The following SDK1 variants were observed in gnomAD, a reference collection of about 807,000 sequenced individuals.
The protein encoded by SDK1 is protein sidekick-1.
In SDK1, 157 loss-of-function variants were observed where a neutral mutation model predicts 245.5. The observed-to-expected ratio is 0.64, with a 90% confidence interval of 0.56 to 0.73. The LOEUF (loss-of-function observed/expected upper bound fraction) is 0.73. SDK1 is among the 30% of genes least tolerant of loss of function. The pLI, the probability that SDK1 is intolerant of heterozygous loss-of-function variation, is 0.00. For synonymous variants in SDK1, 1,647 were observed against 1,278.5 expected (o/e 1.29, Z -6.15); for missense variants, 3,583 against 3,002.3 (o/e 1.19, Z -4.52).
At position 3,485,683 on chromosome 7, in the gene SDK1, G is replaced by GTTTTTTTTTTTTTTTTTTTTTT. The variant is rs71552309; in HGVS notation, c.299-133396_299-133375dup. On this transcript the variant is annotated intron_variant, in intron 1 of 44. Transcript: ENST00000404826. Reference sequence around the variant, plus strand: ...GTGCTGAGGGGATGATCTTTGGAGGGTTTTTTTTTTTTTTTTTTTTTTGAG... The same window carrying GTTTTTTTTTTTTTTTTTTTTTT: ...GTGCTGAGGGGATGATCTTTGGAGGGTTTTTTTTTTTTTTTTTTTTTTTTTTTTTTTTTTTTTTTTTTTTGAG... Among the ~76,000 whole-genome samples, 79 of 38,174 alleles carry GTTTTTTTTTTTTTTTTTTTTTT rather than the reference G, an allele frequency of 2.1e-3. 15 individuals carry two copies. Among genetic ancestry groups the GTTTTTTTTTTTTTTTTTTTTTT allele is most frequent in the East Asian group, 4.5e-3 (5 of 1,112 alleles). 25.0% of individuals were successfully genotyped at this position (38,174 alleles called of 152,430 possible).
intron 22 of SDK1, among the ~76,000 whole-genome samples, chr7:4,085,747 G>A (rs968315226): frequency 1.3e-5 from 2 of 151,962 alleles, no homozygotes; most frequent in African/African-American, 4.8e-5. Context: ...TAGAGATGGG[G>A]TTTCACCATG....
At chr7:3,962,125 T>G (rs1781746981) in intron 8 of SDK1, among the ~76,000 whole-genome samples, 1 of 152,122 alleles carries the variant, frequency 6.6e-6, no homozygotes, top group Non-Finnish European at 1.5e-5. Context: ...ACATCCAATC[T>G]TCAACCTTCT....
intron 1 of SDK1, among the ~76,000 whole-genome samples, chr7:3,602,613 C>G (rs998556488): frequency 2.6e-5 from 4 of 151,612 alleles, no homozygotes; most frequent in Non-Finnish European, 4.4e-5. Context: ...AAATTTTCTC[C>G]CATTGTGTAG....
At chr7:3,356,009 G>A (rs993722244) in intron 1 of SDK1, among the ~76,000 whole-genome samples, 2 of 152,174 alleles carry the variant, frequency 1.3e-5, no homozygotes, top group African/African-American at 4.8e-5. Context: ...TGAACAAATA[G>A]ACACCTTATA....
chr7:3,410,121 C>A (rs527672561), intron 1 of SDK1, among the ~76,000 whole-genome samples: 29 of 152,168 alleles, frequency 1.9e-4, no homozygotes, highest in South Asian at 1.9e-3. Flanking sequence ...TAAGTGTTAT[C>A]ATAATCACAT....
chr7:4,028,165 C>G (rs572096988), intron 17 of SDK1, among the ~76,000 whole-genome samples: 1 of 152,260 alleles, frequency 6.6e-6, no homozygotes, highest in African/African-American at 2.4e-5. Flanking sequence ...GGCCTTACTC[C>G]AGACCCACTG....
intron 41 of SDK1, among the ~76,000 whole-genome samples, chr7:4,235,512 T>C (rs2128236546): frequency 6.6e-6 from 1 of 152,300 alleles, no homozygotes; most frequent in African/African-American, 2.4e-5. Flanking sequence ...CACAGATTTC[T>C]CATTTCCCTA....
At chr7:3,561,705 C>G (rs1367279423) in intron 1 of SDK1, among the ~76,000 whole-genome samples, 4 of 152,184 alleles carry the variant, frequency 2.6e-5, no homozygotes, top group East Asian at 3.8e-4. Context: ...TTTTAACATT[C>G]TGAAGCTGCA....
intron 12 of SDK1, among the ~76,000 whole-genome samples, chr7:3,973,490 T>C (rs896291917): frequency 1.2e-4 from 19 of 152,162 alleles, no homozygotes; most frequent in Admixed American, 5.9e-4. Flanking sequence ...TTGCTACAGA[T>C]AGATTAAATG....
intron 14 of SDK1, among the ~76,000 whole-genome samples, chr7:4,009,497 G>C (rs988810672): frequency 1.3e-5 from 2 of 152,204 alleles, no homozygotes; most frequent in Non-Finnish European, 2.9e-5. Context: ...GTAGGTAACT[G>C]GGAATGCGCA....
intron 4 of SDK1, among the ~76,000 whole-genome samples, chr7:3,671,125 A>G (rs1192755078): frequency 1.3e-5 from 2 of 152,144 alleles, no homozygotes; most frequent in East Asian, 1.9e-4. Context: ...AGTTTTCAGC[A>G]TTGGTCTTAT....
intron 43 of SDK1, among the ~76,000 whole-genome samples, chr7:4,244,970 G>T (rs535428692): frequency 6.6e-6 from 1 of 152,166 alleles, no homozygotes; most frequent in Non-Finnish European, 1.5e-5. Context: ...TCTCCAGTCC[G>T]CCAAGATAGG....
chr7:3,463,627 G>A (rs147615447), intron 1 of SDK1, among the ~76,000 whole-genome samples: 1 of 152,274 alleles, frequency 6.6e-6, no homozygotes, highest in African/African-American at 2.4e-5. Flanking sequence ...GCTAAAGTAG[G>A]TGAGTTTTCT....
intron 19 of SDK1, among the ~76,000 whole-genome samples, chr7:4,054,434 T>C (rs1779078665): frequency 6.6e-6 from 1 of 152,226 alleles, no homozygotes; most frequent in Non-Finnish European, 1.5e-5. Flanking sequence ...AGTTTTGTTT[T>C]TTTCTCTTTT....
intron 4 of SDK1, among the ~76,000 whole-genome samples, chr7:3,655,260 A>C (rs1379092473): frequency 6.6e-6 from 1 of 150,564 alleles, no homozygotes; most frequent in Non-Finnish European, 1.5e-5. Context: ...ATGGAGAAAC[A>C]CTGTCTCTAC....
At chr7:4,187,032 C>T (rs549522381) in intron 35 of SDK1, among the ~76,000 whole-genome samples, 2 of 152,128 alleles carry the variant, frequency 1.3e-5, no homozygotes. Flanking sequence ...CACTGTGGTT[C>T]GGAGTGGGGC....
chr7:4,029,464 G>A (rs1457645215), intron 17 of SDK1, among the ~76,000 whole-genome samples: 1 of 152,078 alleles, frequency 6.6e-6, no homozygotes, highest in African/African-American at 2.4e-5. Flanking sequence ...GCCCACCTGG[G>A]CCTCCGAAAG....
chr7:3,885,768 A>C (rs1354191794), intron 5 of SDK1, among the ~76,000 whole-genome samples: 1 of 152,232 alleles, frequency 6.6e-6, no homozygotes, highest in Non-Finnish European at 1.5e-5. Context: ...TTAGTTGTAC[A>C]GTTCCATTGA....
chr7:4,146,887 G>T (rs1049945859), intron 29 of SDK1, among the ~76,000 whole-genome samples: 2 of 152,178 alleles, frequency 1.3e-5, no homozygotes, highest in Admixed American at 6.5e-5. Context: ...TTATTAATTT[G>T]CCCAGACACA....
Sources: gnomAD v4.1 joint callset for allele counts (sites outside exome capture counted in the v4.1 genomes callset) on GRCh38, gnomAD v4.1.1 for gene constraint, MANE v1.5 for transcripts, NCBI Gene and HGNC (gene_info 2026-07-23, HGNC 2026-07-21) for gene names.